The following SLCO1A2 variants were observed in gnomAD, a reference collection of about 807,000 sequenced individuals.
The protein encoded by SLCO1A2 is solute carrier organic anion transporter family member 1A2.
A neutral mutation model predicts 69.0 loss-of-function variants in SLCO1A2; 67 were observed. That is an observed-to-expected ratio of 0.97 (90% CI 0.80 to 1.19). The LOEUF is 1.19. Among genes scored for constraint, SLCO1A2 ranks in the 50% most tolerant of loss-of-function variants. SLCO1A2 has a pLI of 0.00. For missense variants in SLCO1A2, 787 were observed against 793.7 expected, an observed-to-expected ratio of 0.99 and a Z score of 0.10; for synonymous variants, 260 against 265.9, an observed-to-expected ratio of 0.98 and a Z score of 0.22.
At position 21,269,465 on chromosome 12, in the gene SLCO1A2, CTATT is replaced by C. The variant is rs1942402569; in HGVS notation, c.*79_*82del. 1.0e-6 allele frequency: 1 copy of C among 960,874 alleles called. No homozygotes were observed. Among genetic ancestry groups the C allele is most frequent in the African/African-American group, 1.7e-5 (1 of 59,656 alleles). 59.5% of individuals were successfully genotyped at this position (960,874 alleles called of 1,614,324 possible). ...GTTCTTAAAGACAAGAAAAAGTTATCTATTATATCTCTACTGATTTTTAAAACAA... is the reference window on the plus strand; with the variant it reads ...GTTCTTAAAGACAAGAAAAAGTTATCATATCTCTACTGATTTTTAAAACAA... On this transcript the variant is annotated 3_prime_UTR_variant, in exon 15 of 15. Coordinates refer to ENST00000683939, the MANE Select transcript of SLCO1A2 (RefSeq NM_001386879.1).
At chr12:21,364,546 A>G (rs1157335343) in intron 2 of SLCO1A2, among the ~76,000 whole-genome samples, 1 of 152,262 alleles carries the variant, frequency 6.6e-6, no homozygotes. Flanking sequence ...AGTTCTGGCC[A>G]GGGCAATCAG....
intron 1 of SLCO1A2, among the ~76,000 whole-genome samples, chr12:21,403,001 G>A (rs1941755590): frequency 6.6e-6 from 1 of 152,100 alleles, no homozygotes; most frequent in Middle Eastern, 3.2e-3. Flanking sequence ...GATTTCCAGA[G>A]AGAGAGAGAC....
intron 2 of SLCO1A2, among the ~76,000 whole-genome samples, chr12:21,366,194 A>C (rs1939365228): frequency 6.6e-6 from 1 of 152,212 alleles, no homozygotes; most frequent in East Asian, 1.9e-4. Flanking sequence ...TGTGGCACAT[A>C]TACACCATGG....
At position 21,274,724 on chromosome 12, in the gene SLCO1A2, AATG is replaced by A. The variant is rs1225333585; in HGVS notation, c.1676-141_1676-139del. 3.6e-4 allele frequency: 266 copies of A among 733,468 alleles called. 2 individuals carry two copies. The highest frequency in any genetic ancestry group is 3.3e-3 in the South Asian group (149 of 45,622). The allele number at this position is 733,468 out of a possible 1,614,324, so 45.4% of individuals were successfully genotyped here. On this transcript the variant is annotated intron_variant, in intron 13 of 14. Coordinates refer to ENST00000683939, the MANE Select transcript of SLCO1A2 (RefSeq NM_001386879.1). ...TAATGGTCTAAATTTTATTTTTAGA[AATG>A]ATGAGTTACTTTTACTGTAAAGTTT...
chr12:21,328,301 G>A, intron 2 of SLCO1A2, among the ~76,000 whole-genome samples: 1 of 152,120 alleles, frequency 6.6e-6, no homozygotes, highest in East Asian at 1.9e-4. Flanking sequence ...AAGAGAAATG[G>A]GGAAAGGACT....
chr12:21,356,318 A>C (rs765506945), intron 2 of SLCO1A2, among the ~76,000 whole-genome samples: 2 of 152,082 alleles, frequency 1.3e-5, no homozygotes, highest in Non-Finnish European at 2.9e-5. Flanking sequence ...AAACATACCT[A>C]TGATATTAAG....
chr12:21,389,456 T>C (rs1184438212), intron 1 of SLCO1A2, among the ~76,000 whole-genome samples: 2 of 151,962 alleles, frequency 1.3e-5, no homozygotes, highest in Non-Finnish European at 2.9e-5. Context: ...TTAAGTCTTA[T>C]CCAATGCAGA....
chr12:21,329,019 C>T (rs1952435582), intron 2 of SLCO1A2, among the ~76,000 whole-genome samples: 1 of 152,124 alleles, frequency 6.6e-6, no homozygotes, highest in Admixed American at 6.5e-5. Flanking sequence ...CTTACAGTAG[C>T]AATTATCCAG....
intron 10 of SLCO1A2, 46 bp from the exon 11 acceptor site, chr12:21,294,156 A>G: frequency 7.1e-7 from 1 of 1,401,420 alleles, no homozygotes; most frequent in East Asian, 2.6e-5. Context: ...AGAGGATTCA[A>G]TCCTTTTTTT....
intron 14 of SLCO1A2, among the ~76,000 whole-genome samples, chr12:21,271,644 T>G (rs1407154721): frequency 6.7e-6 from 1 of 148,818 alleles, no homozygotes; most frequent in Non-Finnish European, 1.5e-5. Flanking sequence ...TATATACATC[T>G]TTATATACAT....
At chr12:21,397,005 C>A (rs1591916036), upstream of SLCO1A2, among the ~76,000 whole-genome samples, 2 of 151,330 alleles carry the variant, frequency 1.3e-5, no homozygotes, top group East Asian at 3.9e-4. Flanking sequence ...ATGACAGGAT[C>A]AAATTCACAC....
chr12:21,306,896 G>C lies in SLCO1A2; in HGVS notation c.428C>G (p.Thr143Arg). The C allele has an allele frequency of 6.2e-7, 1 of 1,613,094 alleles. No individual in the cohort carries two copies. The highest frequency in any genetic ancestry group is 8.5e-7 in the Non-Finnish European group (1 of 1,179,146). Residue 143 changes from threonine to arginine, a missense_variant, in exon 5 of 15, where the codon ACG (threonine) becomes AGG (arginine). Physicochemically the swap from Thr to Arg is moderately conservative, Grantham distance 71 (BLOSUM62 -1). Coordinates refer to ENST00000683939, the MANE Select transcript of SLCO1A2 (RefSeq NM_001386879.1). ...MENGTQILRP[T>R]QDPSECTKEV... ...AAGTAGACAACCTGATGGATCCTGC[G>C]TTGGTCTTAAAATCTGGGTTCCATT...
intron 12 of SLCO1A2, among the ~76,000 whole-genome samples, chr12:21,278,769 C>CT (rs1206685326): frequency 4.6e-5 from 7 of 152,012 alleles, no homozygotes; most frequent in Non-Finnish European, 7.4e-5. Flanking sequence ...CAATAAATGC[C>CT]TAACTCTTCA....
At chr12:21,387,519 C>G (rs1940940150) in intron 1 of SLCO1A2, among the ~76,000 whole-genome samples, 1 of 152,168 alleles carries the variant, frequency 6.6e-6, no homozygotes, top group African/African-American at 2.4e-5. Context: ...GATGCAAACT[C>G]CAAGCCTTGG....
At chr12:21,373,279 T>G (rs1280116143) in intron 2 of SLCO1A2, 21 of 1,034,088 alleles carry the variant, frequency 2.0e-5, no homozygotes, top group Non-Finnish European at 3.2e-5. Context: ...AATTTAAAAT[T>G]ACATCAATTA....
intron 13 of SLCO1A2, 170 bp downstream of exon 13, chr12:21,275,190 A>T: frequency 1.3e-6 from 1 of 751,340 alleles, no homozygotes; most frequent in Non-Finnish European, 1.8e-6. Flanking sequence ...TAGGAGATTC[A>T]CCTAATGTTA....
rs538034340 is a variant in SLCO1A2 at position 21,307,079 on chromosome 12, C to T, written c.336-91G>A. 3.9e-5 allele frequency: 31 copies of T among 798,784 alleles called. No homozygotes were observed. In the South Asian group the frequency reaches 3.9e-4, roughly 10 times the overall value. The allele number at this position is 798,784 out of a possible 1,614,324, so 49.5% of individuals were successfully genotyped here. On this transcript the variant is annotated intron_variant, in intron 4 of 14. Transcript: ENST00000683939. Reference sequence around the variant, plus strand: ...AGATTGTTACCTTCTGCTTCCCATACAACACAATATCCAAATCCAGTAAAA... The same window carrying T: ...AGATTGTTACCTTCTGCTTCCCATATAACACAATATCCAAATCCAGTAAAA...
chr12:21,331,370 C>A (rs12306839), intron 2 of SLCO1A2, among the ~76,000 whole-genome samples: 1 of 152,006 alleles, frequency 6.6e-6, no homozygotes, highest in Non-Finnish European at 1.5e-5. Context: ...AGAAACCAAG[C>A]GCATAATTTG....
chr12:21,294,365 A>G (rs914476010), intron 10 of SLCO1A2: 1 of 267,376 alleles, frequency 3.7e-6, no homozygotes, highest in Admixed American at 5.3e-5. Flanking sequence ...TTGAGCACCT[A>G]CCATGTGGAG....
Sources: gnomAD v4.1 joint callset for allele counts (sites outside exome capture counted in the v4.1 genomes callset) on GRCh38, gnomAD v4.1.1 for gene constraint, MANE v1.5 for transcripts, NCBI Gene and HGNC (gene_info 2026-07-23, HGNC 2026-07-21) for gene names.